Variants in RSF1 observed in about 807,000 individuals in gnomAD.
RSF1 encodes the protein HBV pX-associated protein 8.
Under a neutral mutation model 145.2 loss-of-function variants are expected in RSF1, and 13 were observed. That is an observed-to-expected ratio of 0.09 (90% CI 0.06 to 0.14). RSF1 has a LOEUF of 0.14. Ranked by LOEUF, RSF1 falls within the 10% of genes least tolerant of loss-of-function variation. RSF1 has a pLI of 1.00. For synonymous variants in RSF1, 577 were observed against 592.6 expected (o/e 0.97, Z 0.38); for missense variants, 1,517 against 1,718.2 (o/e 0.88, Z 2.07).
At chr11:77,801,631 A>T (rs1444957547) in intron 1 of RSF1, among the ~76,000 whole-genome samples, 2 of 152,038 alleles carry the variant, frequency 1.3e-5, no homozygotes, top group Non-Finnish European at 2.9e-5. Flanking sequence ...GTCTACACAG[A>T]GCTCTTAAAT....
At chr11:77,692,617 G>A (rs937298133) in intron 8 of RSF1, among the ~76,000 whole-genome samples, 7 of 150,116 alleles carry the variant, frequency 4.7e-5, no homozygotes, top group African/African-American at 1.7e-4. Flanking sequence ...GGCCTTTAGT[G>A]ATCCTCCTGC....
Position 77,665,873 on chromosome 11 carries a change from G to A in RSF1, c.*1044C>T, listed in dbSNP as rs142194512. 2 of 152,142 alleles carry A rather than the reference G, an allele frequency of 1.3e-5. No individual in the cohort carries two copies. Among genetic ancestry groups the A allele is most frequent in the East Asian group, 3.9e-4 (2 of 5,188 alleles). The allele number at this position is 152,142 out of a possible 1,614,324, so 9.4% of individuals were successfully genotyped here. A position where few individuals can be genotyped will look rare whatever the true frequency, so the allele number is the denominator to read the frequency against. ...ACTTCAATTTGAAGTAGATACTAAG[G>A]GCAAGAATAGACCAGTTAAAATTCA... On this transcript the variant is annotated 3_prime_UTR_variant, in exon 16 of 16. Coordinates refer to ENST00000308488, the MANE Select transcript of RSF1 (RefSeq NM_016578.4).
At chr11:77,798,674 T>G (rs1242928972) in intron 1 of RSF1, among the ~76,000 whole-genome samples, 1 of 145,212 alleles carries the variant, frequency 6.9e-6, no homozygotes, top group Admixed American at 7.0e-5. Context: ...GATGAGTTCA[T>G]GTCTTTTGCA....
In RSF1 at chr11:77,666,858, T is replaced by C; in HGVS notation, c.*59A>G. The C allele has an allele frequency of 2.2e-6, 3 of 1,365,614 alleles. No individual in the cohort carries two copies. Among genetic ancestry groups the C allele is most frequent in the Non-Finnish European group, 3.0e-6 (3 of 1,011,646 alleles). 84.6% of individuals were successfully genotyped at this position (1,365,614 alleles called of 1,614,324 possible). A position where few individuals can be genotyped will look rare whatever the true frequency, so the allele number is the denominator to read the frequency against. On this transcript the variant is annotated 3_prime_UTR_variant, in exon 16 of 16. Transcript: ENST00000308488. ...GAAAAATTAAACAGCTTTTAATAAC[T>C]GGCCCGCTGGTGTGAGAGCTACCGT...
Position 77,702,808 on chromosome 11 carries a change from TAAAAACATAAAA to T in RSF1, c.734-325_734-314del, listed in dbSNP as rs1960458323. ...ATTTATTCAAATTCAAGAGATGGCT[TAAAAACATAAAA>T]TTGAAAATGCTACCTAAAACATTTC... On this transcript the variant is annotated intron_variant, in intron 5 of 15. Coordinates refer to ENST00000308488, the MANE Select transcript of RSF1 (RefSeq NM_016578.4). 1.6e-5 allele frequency: 3 copies of T among 188,576 alleles called. No homozygotes were observed. The South Asian group carries it at 5.7e-4, about 36-fold the overall frequency. 11.7% of individuals were successfully genotyped at this position (188,576 alleles called of 1,614,324 possible). A position where few individuals can be genotyped will look rare whatever the true frequency, so the allele number is the denominator to read the frequency against.
At chr11:77,741,322 C>T (rs1443464060) in intron 3 of RSF1, among the ~76,000 whole-genome samples, 1 of 152,072 alleles carries the variant, frequency 6.6e-6, no homozygotes, top group Non-Finnish European at 1.5e-5. Flanking sequence ...GCAGGAGGAT[C>T]GCTTGAGTCC....
intron 2 of RSF1, chr11:77,763,628 A>G (rs1948197739): frequency 6.6e-6 from 1 of 152,238 alleles, no homozygotes; most frequent in South Asian, 2.1e-4. Flanking sequence ...TGAACATTCA[A>G]TATAAAACCA....
intron 1 of RSF1, among the ~76,000 whole-genome samples, chr11:77,808,822 C>T (rs1405226662): frequency 2.9e-5 from 3 of 104,252 alleles, no homozygotes; most frequent in Non-Finnish European, 5.5e-5. Flanking sequence ...CGTGAGCCAC[C>T]GCGCCCGGCC....
chr11:77,782,538 C>CT (rs1280214929), intron 1 of RSF1, among the ~76,000 whole-genome samples: 1 of 148,812 alleles, frequency 6.7e-6, no homozygotes, highest in African/African-American at 2.5e-5. Flanking sequence ...GAGAATCCGT[C>CT]TCAAAAAAAA....
rs765909959 is a variant in RSF1 at position 77,662,210 on chromosome 11, TAA to T, written c.*4705_*4706del. 2 of 152,174 alleles carry T rather than the reference TAA, an allele frequency of 1.3e-5. No individual in the cohort carries two copies. 9.4% of individuals were successfully genotyped at this position (152,174 alleles called of 1,614,324 possible). On this transcript the variant is annotated 3_prime_UTR_variant, in exon 16 of 16. Transcript: ENST00000308488. The stretch of plus-strand genomic sequence containing the variant: ...ACTTATGTATAGGATAGTCATATTT[TAA>T]AGTTATTAAAATAAACATCTTCACT...
At chr11:77,856,044 A>T in the RSF1 span, among the ~76,000 whole-genome samples, 3 of 152,262 alleles carry the variant, frequency 2.0e-5, no homozygotes, top group African/African-American at 7.2e-5. Flanking sequence ...CCTTGAGCCC[A>T]GGAGGCAGAG....
Position 77,701,483 on chromosome 11 carries a change from T to G in RSF1, c.1746A>C (p.Leu582=). The G allele has an allele frequency of 6.2e-7, 1 of 1,614,172 alleles. No homozygotes were observed. The highest frequency in any genetic ancestry group is 8.5e-7 in the Non-Finnish European group (1 of 1,180,012). ...KTKKDKRPPI[L]ECLEKLEKSK... is the part of the protein sequence containing the mutation. ...ACTTCTCTAACTTTTCAAGACATTC[T>G]AGGATTGGTGGGCGCTTATCCTTCT... The change falls in exon 6 of 16, where the codon CTA becomes CTC. Residue 582 remains leucine, a synonymous_variant. Coordinates refer to ENST00000308488, the MANE Select transcript of RSF1 (RefSeq NM_016578.4).
intron 2 of RSF1, among the ~76,000 whole-genome samples, chr11:77,751,070 A>G (rs1948057604): frequency 6.6e-6 from 1 of 152,138 alleles, no homozygotes; most frequent in Non-Finnish European, 1.5e-5. Flanking sequence ...ACAGGTAAAC[A>G]AAGTGGAGGA....
chr11:77,804,546 T>C (rs1948658289), intron 1 of RSF1, among the ~76,000 whole-genome samples: 1 of 152,190 alleles, frequency 6.6e-6, no homozygotes, highest in Non-Finnish European at 1.5e-5. Context: ...TGGTGTCTAA[T>C]AGTTGGAGAG....
intron 4 of RSF1, among the ~76,000 whole-genome samples, chr11:77,731,625 T>TCCA (rs1480223220): frequency 6.6e-6 from 1 of 152,154 alleles, no homozygotes; most frequent in Non-Finnish European, 1.5e-5. Flanking sequence ...AGGCCCAGGG[T>TCCA]CCATGTGCTG....
At chr11:77,866,721 C>T in the RSF1 span, 1 of 151,378 alleles carries the variant, frequency 6.6e-6, no homozygotes, top group East Asian at 1.9e-4. Context: ...GAGAGTGAGA[C>T]TCCATCTCGA....
chr11:77,841,310 C>G, the RSF1 span: 1 of 684,210 alleles, frequency 1.5e-6, no homozygotes, highest in South Asian at 1.5e-5. Flanking sequence ...TAGCACTAAA[C>G]TAAATCTATG....
Position 77,797,731 on chromosome 11 carries a change from T to C in RSF1, c.187+22797A>G, listed in dbSNP as rs188562188. Among the ~76,000 whole-genome samples the C allele has an allele frequency of 2.8e-3, 425 of 152,248 alleles. 1 individual carries two copies. The highest frequency in any genetic ancestry group is 9.7e-3 in the African/African-American group (403 of 41,544). On this transcript the variant is annotated intron_variant, in intron 1 of 15. Coordinates refer to ENST00000308488, the MANE Select transcript of RSF1 (RefSeq NM_016578.4). ...ATCATCAGAGTGAACAGGCAACCCA[T>C]AGAATGAGAAAAAATTTTTGCAATC...
chr11:77,840,351 A>G, the RSF1 span, among the ~76,000 whole-genome samples: 2 of 152,092 alleles, frequency 1.3e-5, no homozygotes, highest in African/African-American at 2.4e-5. Flanking sequence ...CAACATAGTG[A>G]AACCCTGTCT....
Sources: allele counts gnomAD v4.1 joint callset (sites outside exome capture counted in the v4.1 genomes callset), GRCh38; gene constraint gnomAD v4.1.1; transcripts MANE v1.5; gene names NCBI Gene and HGNC (gene_info 2026-07-23, HGNC 2026-07-21).